Variants in CES1 observed in about 807,000 individuals in gnomAD.
The protein encoded by CES1 is liver carboxylesterase 1.
A neutral mutation model predicts 53.0 loss-of-function variants in CES1; 50 were observed. The observed-to-expected ratio is 0.94, with a 90% CI of 0.75 to 1.19. CES1 has a LOEUF of 1.19. CES1 is among the 50% of genes most tolerant of loss of function. CES1 has a pLI of 0.00. For synonymous variants in CES1, 202 were observed against 210.1 expected, an observed-to-expected ratio of 0.96 and a Z score of 0.33; for missense variants, 534 against 538.0, an observed-to-expected ratio of 0.99 and a Z score of 0.07.
chr16:55,819,464 A>G (rs1395846086), intron 7 of CES1, 71 bp downstream of exon 7: 16 of 1,117,052 alleles, frequency 1.4e-5, no homozygotes, highest in East Asian at 2.3e-5. Context: ...TCCCTGGGCA[A>G]GAGGACAGCT....
chr16:55,830,982 C>T (rs1244835395), intron 1 of CES1, among the ~76,000 whole-genome samples: 1 of 152,096 alleles, frequency 6.6e-6, no homozygotes, highest in African/African-American at 2.4e-5. Context: ...TTTACACAGG[C>T]TCGGTGGAGA....
At chr16:55,822,189 T>G (rs1244153806) in intron 4 of CES1, among the ~76,000 whole-genome samples, 1 of 152,254 alleles carries the variant, frequency 6.6e-6, no homozygotes, top group Non-Finnish European at 1.5e-5. Flanking sequence ...GGGAAGCCCC[T>G]GCAGGGTTTT....
intron 11 of CES1, among the ~76,000 whole-genome samples, chr16:55,809,413 C>T (rs548328031): frequency 5.9e-5 from 9 of 152,322 alleles, no homozygotes; most frequent in South Asian, 2.1e-4. Flanking sequence ...TTTAAAAACC[C>T]TTCCAGCATG....
chr16:55,822,019 C>T (rs746246588), intron 4 of CES1, among the ~76,000 whole-genome samples: 3 of 152,182 alleles, frequency 2.0e-5, no homozygotes, highest in Non-Finnish European at 4.4e-5. Flanking sequence ...GCACAATGAG[C>T]ACATGAACCT....
At chr16:55,829,794 A>C (rs2032568058) in intron 1 of CES1, among the ~76,000 whole-genome samples, 1 of 152,236 alleles carries the variant, frequency 6.6e-6, no homozygotes, top group African/African-American at 2.4e-5. Context: ...AGGTCAAGGA[A>C]GATTCTTCTG....
chr16:55,811,019 A>G lies in CES1; in HGVS notation c.1087-9T>C, dbSNP rs760420840. On this transcript the variant is annotated splice_polypyrimidine_tract_variant and intron_variant, in intron 9 of 13. Coordinates refer to ENST00000360526, the MANE Select transcript of CES1 (RefSeq NM_001025195.2). ...GGATAGCTCATCAACTGCTAAAAAA[A>G]AAAAAAAGTTCAGCATTTATGAATC... The G allele has an allele frequency of 1.9e-6, 3 of 1,606,894 alleles. No individual in the cohort carries two copies. The highest frequency in any genetic ancestry group is 3.3e-5 in the Admixed American group (2 of 59,812).
intron 11 of CES1, among the ~76,000 whole-genome samples, chr16:55,809,416 C>A (rs1482774325): frequency 3.9e-5 from 6 of 152,198 alleles, no homozygotes; most frequent in Admixed American, 2.0e-4. Flanking sequence ...AAAAACCCTT[C>A]CAGCATGGTT....
chr16:55,817,889 C>G (rs1219308197), intron 7 of CES1, among the ~76,000 whole-genome samples: 1 of 152,158 alleles, frequency 6.6e-6, no homozygotes, highest in Non-Finnish European at 1.5e-5. Context: ...ATGGGTTTTC[C>G]CAAAGACTCA....
intron 5 of CES1, 74 bp downstream of exon 5, chr16:55,821,294 A>G: frequency 6.3e-7 from 1 of 1,577,256 alleles, no homozygotes; most frequent in Non-Finnish European, 8.7e-7. Flanking sequence ...CCATAGCTGG[A>G]TTGACAGGTG....
intron 8 of CES1, among the ~76,000 whole-genome samples, chr16:55,814,544 C>A (rs1205337845): frequency 2.6e-5 from 4 of 152,208 alleles, no homozygotes; most frequent in Non-Finnish European, 5.9e-5. Context: ...AATGGCTGAA[C>A]ACATGTAAAA....
chr16:55,826,895 T>C (rs1283373106), intron 2 of CES1, among the ~76,000 whole-genome samples: 2 of 152,192 alleles, frequency 1.3e-5, no homozygotes, highest in Non-Finnish European at 2.9e-5. Flanking sequence ...GTTCTCCCAG[T>C]GTTCCAGGCA....
intron 8 of CES1, among the ~76,000 whole-genome samples, chr16:55,813,529 A>T (rs1301915778): frequency 1.3e-5 from 2 of 152,130 alleles, no homozygotes; most frequent in African/African-American, 4.8e-5. Context: ...CTGTTGAAAG[A>T]GACTTCCACG....
chr16:55,817,714 G>A (rs1368851611), intron 7 of CES1, among the ~76,000 whole-genome samples: 4 of 151,844 alleles, frequency 2.6e-5, no homozygotes. Context: ...GTCTGTGTGT[G>A]TCTCTGTGTG....
At chr16:55,828,298 A>C in intron 2 of CES1, 1 of 305,240 alleles carries the variant, frequency 3.3e-6, no homozygotes, top group Non-Finnish European at 6.4e-6. Flanking sequence ...ACCTCAGTAC[A>C]CTTGCCACCC....
At chr16:55,827,481 C>T (rs1452659116) in intron 2 of CES1, among the ~76,000 whole-genome samples, 2 of 151,872 alleles carry the variant, frequency 1.3e-5, no homozygotes, top group African/African-American at 2.4e-5. Context: ...GATGTTCATA[C>T]GTCAATGGGA....
At chr16:55,811,108 T>G (rs2031677573) in intron 9 of CES1, 98 bp from the exon 10 acceptor site, 1 of 1,001,940 alleles carries the variant, frequency 1.0e-6, no homozygotes, top group African/African-American at 1.6e-5. Flanking sequence ...CTGAAAGTCC[T>G]CTAATTATGG....
intron 1 of CES1, among the ~76,000 whole-genome samples, chr16:55,829,722 G>A (rs560622075): frequency 1.1e-4 from 17 of 152,352 alleles, no homozygotes; most frequent in South Asian, 2.1e-4. Context: ...CAGGCTAAGC[G>A]CTTGAGTTTT....
rs145905171 is a variant in CES1, at chr16:55,810,977, G to C, written c.1120C>G (p.Leu374Val). 9.3e-6 allele frequency: 15 copies of C among 1,612,666 alleles called. No homozygotes were observed. The highest frequency in any genetic ancestry group is 1.7e-6 in the Non-Finnish European group (2 of 1,179,630). ...AGTGACATGGCTGTCTTCTGGTCCA[G>C]TTGCCCTTCGGAGAGTGGATAGCTC... ...LMSYPLSEGQ[L>V]DQKTAMSLLW... The change falls in exon 10 of 14, where the codon CTG (leucine) becomes GTG (valine). Residue 374 changes from leucine (L) to valine (V), a missense_variant. Around this residue, in one of 5 missense-constraint regions of CES1, gnomAD observed 269 missense variants for 206.6 expected, o/e 1.30. Coordinates refer to ENST00000360526, the MANE Select transcript of CES1 (RefSeq NM_001025195.2).
chr16:55,819,980 T>C (rs2032105674), intron 6 of CES1: 1 of 541,958 alleles, frequency 1.8e-6, no homozygotes. Context: ...CAAATCCTGG[T>C]TGTTCCACTT....
Sources: allele counts gnomAD v4.1 joint callset (sites outside exome capture counted in the v4.1 genomes callset), GRCh38; gene constraint gnomAD v4.1.1; regional missense constraint gnomAD v4.1.1; transcripts MANE v1.5; gene names NCBI Gene and HGNC (gene_info 2026-07-23, HGNC 2026-07-21).